Variants in EPHB1 observed in about 807,000 individuals in gnomAD.
EPHB1 encodes the protein ephrin type-B receptor 1.
Under a neutral mutation model 94.4 loss-of-function variants are expected in EPHB1, and 30 were observed. The ratio of observed to expected loss-of-function variants is 0.32; its 90% CI spans 0.24 to 0.43. The LOEUF (loss-of-function observed/expected upper bound fraction) is 0.43. EPHB1 is among the 20% of genes least tolerant of loss of function. The pLI, the probability that EPHB1 is intolerant of heterozygous loss-of-function variation, is 1.00. For synonymous variants in EPHB1, 522 were observed against 489.1 expected, an observed-to-expected ratio of 1.07 and a Z score of -0.89; for missense variants, 1,055 against 1,308.3, an observed-to-expected ratio of 0.81 and a Z score of 2.99.
chr3:134,958,008 A>G (rs1578230333), intron 3 of EPHB1, among the ~76,000 whole-genome samples: 1 of 152,158 alleles, frequency 6.6e-6, no homozygotes, highest in African/African-American at 2.4e-5. Context: ...TCCCACCAGC[A>G]CTGCCTTAGG....
intron 10 of EPHB1, among the ~76,000 whole-genome samples, chr3:135,181,816 C>T (rs1487769931): frequency 6.6e-6 from 1 of 152,174 alleles, no homozygotes; most frequent in East Asian, 1.9e-4. Context: ...CATCCTTCAC[C>T]TCCATTTGTG....
At chr3:134,847,891 T>C (rs1156251094) in intron 1 of EPHB1, among the ~76,000 whole-genome samples, 1 of 152,202 alleles carries the variant, frequency 6.6e-6, no homozygotes, top group African/African-American at 2.4e-5. Context: ...AGCGTTTAGA[T>C]TGTGTGGTGC....
At chr3:135,034,892 G>A (rs1936598699) in intron 3 of EPHB1, among the ~76,000 whole-genome samples, 1 of 152,218 alleles carries the variant, frequency 6.6e-6, no homozygotes, top group Non-Finnish European at 1.5e-5. Flanking sequence ...ACCTGAATAG[G>A]ATGCACAGCC....
chr3:135,197,276 A>T (rs1942648008), intron 11 of EPHB1, among the ~76,000 whole-genome samples: 1 of 152,078 alleles, frequency 6.6e-6, no homozygotes, highest in South Asian at 2.1e-4. Context: ...TAACTGGAAG[A>T]CTCTTGAAAG....
chr3:134,803,959 T>G (rs189257732), intron 1 of EPHB1, among the ~76,000 whole-genome samples: 2 of 152,236 alleles, frequency 1.3e-5, no homozygotes, highest in Admixed American at 6.5e-5. Context: ...TTGTCCCACC[T>G]GTTCCACAGC....
chr3:135,255,813 T>TG (rs1196925971), intron 15 of EPHB1, among the ~76,000 whole-genome samples: 1 of 144,156 alleles, frequency 6.9e-6, no homozygotes, highest in Non-Finnish European at 1.5e-5. Context: ...ATGTTGACAG[T>TG]GGGGTGTTAA....
intron 1 of EPHB1, among the ~76,000 whole-genome samples, chr3:134,867,780 A>G (rs2037411841): frequency 6.6e-6 from 1 of 152,146 alleles, no homozygotes; most frequent in Admixed American, 6.5e-5. Flanking sequence ...TTGGCAGTTC[A>G]CTTCAAGTTT....
chr3:135,200,397 A>T (rs1325775567), intron 11 of EPHB1, among the ~76,000 whole-genome samples: 1 of 146,230 alleles, frequency 6.8e-6, no homozygotes, highest in African/African-American at 2.4e-5. Flanking sequence ...GCTCCCATTC[A>T]CTAGGAGAGT....
chr3:135,088,544 G>C (rs1038466842), intron 3 of EPHB1, among the ~76,000 whole-genome samples: 2 of 152,170 alleles, frequency 1.3e-5, no homozygotes, highest in Admixed American at 6.5e-5. Context: ...TGGAAACCCA[G>C]GTGCATTCTA....
intron 3 of EPHB1, among the ~76,000 whole-genome samples, chr3:135,096,609 A>G (rs1448275899): frequency 2.0e-5 from 3 of 152,262 alleles, no homozygotes; most frequent in Non-Finnish European, 2.9e-5. Context: ...TAGGAAGTCC[A>G]AGATCAATGT....
intron 1 of EPHB1, chr3:134,823,749 ATG>A (rs1457383367): frequency 7.2e-5 from 11 of 152,360 alleles, no homozygotes; most frequent in African/African-American, 2.6e-4. Flanking sequence ...ATCCATGCTG[ATG>A]TTCACTCAGG....
intron 3 of EPHB1, among the ~76,000 whole-genome samples, chr3:134,954,891 C>G (rs1459260325): frequency 6.6e-6 from 1 of 152,050 alleles, no homozygotes; most frequent in South Asian, 2.1e-4. Context: ...GCACAGCCAG[C>G]AAAGAGTGGT....
At chr3:135,051,587 A>C (rs1937169256) in intron 3 of EPHB1, among the ~76,000 whole-genome samples, 1 of 152,224 alleles carries the variant, frequency 6.6e-6, no homozygotes, top group Non-Finnish European at 1.5e-5. Flanking sequence ...CCCCACCTGG[A>C]GGCATCTTTG....
chr3:135,199,910 T>A (rs1427495226), intron 11 of EPHB1, among the ~76,000 whole-genome samples: 1 of 152,228 alleles, frequency 6.6e-6, no homozygotes, highest in African/African-American at 2.4e-5. Flanking sequence ...TTGTGTAACA[T>A]CTCGCATACA....
At chr3:134,930,109 A>G (rs2038875721) in intron 2 of EPHB1, among the ~76,000 whole-genome samples, 1 of 152,216 alleles carries the variant, frequency 6.6e-6, no homozygotes, top group African/African-American at 2.4e-5. Flanking sequence ...TCCACAGTGC[A>G]TAGCCTGTGT....
chr3:135,096,640 G>T (rs1938777732), intron 3 of EPHB1, among the ~76,000 whole-genome samples: 1 of 152,218 alleles, frequency 6.6e-6, no homozygotes, highest in Non-Finnish European at 1.5e-5. Flanking sequence ...CCAGGGTCTG[G>T]TGAGGGCCCA....
chr3:135,209,075 A>T (rs1278527727), intron 12 of EPHB1, among the ~76,000 whole-genome samples: 1 of 152,218 alleles, frequency 6.6e-6, no homozygotes, highest in Non-Finnish European at 1.5e-5. Context: ...AATAGTAACA[A>T]GTTATAATCT....
intron 1 of EPHB1, among the ~76,000 whole-genome samples, chr3:134,903,442 TGC>T (rs1335938913): frequency 4.7e-4 from 71 of 152,362 alleles, no homozygotes; most frequent in Admixed American, 1.6e-3. Flanking sequence ...AGCCTCAGCT[TGC>T]CTCAAGGCCT....
chr3:135,034,374 A>G (rs573772472), intron 3 of EPHB1, among the ~76,000 whole-genome samples: 2 of 152,124 alleles, frequency 1.3e-5, no homozygotes, highest in African/African-American at 4.8e-5. Context: ...GGCAGACTTC[A>G]AAGTACAGCT....
Sources: gnomAD v4.1 joint callset for allele counts (sites outside exome capture counted in the v4.1 genomes callset) on GRCh38, gnomAD v4.1.1 for gene constraint, MANE v1.5 for transcripts, NCBI Gene and HGNC (gene_info 2026-07-23, HGNC 2026-07-21) for gene names.